The following COG5 variants were observed in gnomAD, a reference collection of about 807,000 sequenced individuals.
The protein encoded by COG5 is conserved oligomeric Golgi complex subunit 5.
COG5 carries 86 observed loss-of-function variants against 110.4 expected under a neutral mutation model. That is an observed-to-expected ratio of 0.78 (90% CI 0.65 to 0.93). The LOEUF is 0.93. Ranked by LOEUF, COG5 falls within the 40% of genes least tolerant of loss-of-function variation. The pLI is 0.00. For missense variants in COG5, 1,077 were observed against 987.0 expected (o/e 1.09, Z -1.22); for synonymous variants, 360 against 334.6 (o/e 1.08, Z -0.83).
intron 6 of COG5, among the ~76,000 whole-genome samples, chr7:107,513,450 G>A (rs1471363395): frequency 6.6e-6 from 1 of 152,128 alleles, no homozygotes; most frequent in African/African-American, 2.4e-5. Context: ...ACTGTTGGTG[G>A]GACTGTAAAC....
chr7:107,540,205 G>A (rs1801874745), intron 5 of COG5, among the ~76,000 whole-genome samples: 1 of 152,170 alleles, frequency 6.6e-6, no homozygotes, highest in African/African-American at 2.4e-5. Flanking sequence ...ACAGTAGAAA[G>A]ACCTAATAGT....
intron 11 of COG5, among the ~76,000 whole-genome samples, chr7:107,321,833 G>C (rs1809319212): frequency 1.3e-5 from 2 of 152,224 alleles, no homozygotes; most frequent in East Asian, 3.9e-4. Context: ...TCAAAAAAAA[G>C]TACAAATTAT....
intron 12 of COG5, among the ~76,000 whole-genome samples, chr7:107,288,873 T>C (rs1318353134): frequency 3.6e-5 from 5 of 139,466 alleles, no homozygotes; most frequent in Non-Finnish European, 4.6e-5. Context: ...CAAATCCTAA[T>C]GCATGAAGAT....
intron 6 of COG5, among the ~76,000 whole-genome samples, chr7:107,451,726 C>T (rs926943182): frequency 3.3e-5 from 5 of 152,088 alleles, no homozygotes; most frequent in Admixed American, 6.5e-5. Context: ...ATTAAATATA[C>T]TTTCTCTTTC....
chr7:107,206,021 C>A lies in COG5; in HGVS notation c.2376-2391G>T, dbSNP rs1018256081. 3.3e-5 allele frequency among the ~76,000 whole-genome samples: 5 copies of A among 151,640 alleles called. No individual in the cohort carries two copies. In the East Asian group the frequency reaches 7.8e-4, roughly 24 times the overall value. On this transcript the variant is annotated intron_variant, in intron 21 of 21. Coordinates refer to ENST00000297135, the MANE Select transcript of COG5 (RefSeq NM_006348.5). Reference sequence around the variant, plus strand: ...TGTCGCCCAGGCTGGAGTGCAGTGCCGCAATCTTGGCTCACTGCAAGCTCC... The same window carrying A: ...TGTCGCCCAGGCTGGAGTGCAGTGCAGCAATCTTGGCTCACTGCAAGCTCC...
intron 3 of COG5, among the ~76,000 whole-genome samples, chr7:107,553,222 A>AC (rs575017557): frequency 3.6e-4 from 55 of 151,814 alleles, no homozygotes; most frequent in Non-Finnish European, 7.1e-4. Context: ...CTACACATAT[A>AC]CCCCCCCGGA....
intron 19 of COG5, among the ~76,000 whole-genome samples, chr7:107,223,578 A>C (rs1800108485): frequency 6.6e-6 from 1 of 152,150 alleles, no homozygotes; most frequent in African/African-American, 2.4e-5. Context: ...AGACAGTGAG[A>C]TGAGGCATTT....
intron 6 of COG5, among the ~76,000 whole-genome samples, chr7:107,454,842 A>G (rs1795563259): frequency 6.6e-6 from 1 of 151,498 alleles, no homozygotes; most frequent in African/African-American, 2.4e-5. Flanking sequence ...ATTAAAAAGA[A>G]AAAAAAAATC....
chr7:107,509,492 G>A (rs1457379277), intron 6 of COG5, among the ~76,000 whole-genome samples: 3 of 152,178 alleles, frequency 2.0e-5, no homozygotes, highest in African/African-American at 7.2e-5. Context: ...TTATCCAGGA[G>A]AACTTCCCCA....
At chr7:107,389,504 G>A (rs1246446367) in intron 7 of COG5, among the ~76,000 whole-genome samples, 5 of 152,202 alleles carry the variant, frequency 3.3e-5, no homozygotes, top group Non-Finnish European at 7.3e-5. Flanking sequence ...CTCAAACCAG[G>A]TAATACAATC....
chr7:107,298,610 C>G (rs1806970676), intron 11 of COG5, among the ~76,000 whole-genome samples: 1 of 152,040 alleles, frequency 6.6e-6, no homozygotes, highest in African/African-American at 2.4e-5. Context: ...GATTTCAATT[C>G]CCTTTTTCAA....
At chr7:107,492,168 A>AGTGTGTGTGTGTGTGTGT (rs61526384) in intron 6 of COG5, among the ~76,000 whole-genome samples, 2,059 of 141,672 alleles carry the variant, frequency 0.015, 22 homozygotes, top group Middle Eastern at 0.028. Flanking sequence ...AACAATGGGT[A>AGTGTGTGTGTGTGTGTGT]GTGTGTGTGT....
intron 6 of COG5, among the ~76,000 whole-genome samples, chr7:107,465,364 T>C (rs1222848066): frequency 6.6e-6 from 1 of 152,154 alleles, no homozygotes; most frequent in African/African-American, 2.4e-5. Flanking sequence ...TCAACAGTAC[T>C]GAAGAAATAA....
intron 6 of COG5, chr7:107,472,698 C>T (rs371634425): frequency 6.6e-6 from 1 of 151,748 alleles, no homozygotes; most frequent in Admixed American, 6.6e-5. Context: ...ATAATGTTAC[C>T]ATTTGTGTTT....
chr7:107,277,477 T>C (rs896135638), intron 14 of COG5, among the ~76,000 whole-genome samples: 9 of 152,120 alleles, frequency 5.9e-5, no homozygotes, highest in South Asian at 2.1e-4. Flanking sequence ...ATAAGGCGAG[T>C]TGGACAAGCT....
intron 6 of COG5, among the ~76,000 whole-genome samples, chr7:107,465,941 C>A (rs1796270504): frequency 6.6e-6 from 1 of 152,108 alleles, no homozygotes; most frequent in Non-Finnish European, 1.5e-5. Flanking sequence ...AAACAGGGGA[C>A]TTGACACAGC....
intron 11 of COG5, among the ~76,000 whole-genome samples, chr7:107,310,282 T>G (rs181679823): frequency 6.9e-4 from 105 of 152,340 alleles, no homozygotes; most frequent in African/African-American, 2.5e-3. Flanking sequence ...ACAGTGCTAC[T>G]TCATAAAGCC....
intron 11 of COG5, among the ~76,000 whole-genome samples, chr7:107,305,166 G>A (rs976722838): frequency 6.6e-6 from 1 of 152,198 alleles, no homozygotes; most frequent in African/African-American, 2.4e-5. Context: ...AATTCAGATA[G>A]AAGAAACAGC....
chr7:107,562,073 T>C lies in COG5; in HGVS notation c.94+1730A>G, dbSNP rs372117569. 3.7e-4 allele frequency among the ~76,000 whole-genome samples: 56 copies of C among 152,230 alleles called. 1 individual carries two copies. The highest frequency in any genetic ancestry group is 1.3e-3 in the African/African-American group (52 of 41,558). ...AAAAGGTGCAACAGATGGTTATACGTTGAGGTTAAATTCATAGGTTTGATG... is the reference window on the plus strand; with the variant it reads ...AAAAGGTGCAACAGATGGTTATACGCTGAGGTTAAATTCATAGGTTTGATG... On this transcript the variant is annotated intron_variant, in intron 1 of 21. Transcript: ENST00000297135.
Sources: allele counts gnomAD v4.1 joint callset (sites outside exome capture counted in the v4.1 genomes callset), GRCh38; gene constraint gnomAD v4.1.1; transcripts MANE v1.5; gene names NCBI Gene and HGNC (gene_info 2026-07-23, HGNC 2026-07-21).